The following UVRAG variants were observed in gnomAD, a reference collection of about 807,000 sequenced individuals.
The protein encoded by UVRAG is UV radiation resistance associated, also known as UV radiation resistance-associated gene protein.
A neutral mutation model predicts 78.0 loss-of-function variants in UVRAG; 19 were observed. That is an observed-to-expected ratio of 0.24 (90% CI 0.17 to 0.36). UVRAG has a LOEUF of 0.36. Ranked by LOEUF, UVRAG falls within the 10% of genes least tolerant of loss-of-function variation. UVRAG has a pLI of 1.00. For synonymous variants in UVRAG, 323 were observed against 324.6 expected (o/e 1.00, Z 0.05); for missense variants, 740 against 853.8 (o/e 0.87, Z 1.66).
rs545469350 is a variant in UVRAG at position 76,046,363 on chromosome 11, G to A, written c.1227-19347G>A. 1.1e-4 allele frequency among the ~76,000 whole-genome samples: 16 copies of A among 152,242 alleles called. 1 individual carries two copies. In the East Asian group the frequency reaches 1.9e-3, roughly 18 times the overall value. On this transcript the variant is annotated intron_variant, in intron 12 of 14. Transcript: ENST00000356136. ...GCACTGGCCAATGGAGCAAGAGATC[G>A]AAGGCACCAAGAAAGAGTGAAACTG...
chr11:76,142,576 G>A lies in UVRAG; in HGVS notation c.*1163G>A, dbSNP rs11540515. 4.6e-5 allele frequency: 7 copies of A among 152,562 alleles called. No homozygotes were observed. The highest frequency in any genetic ancestry group is 1.7e-4 in the African/African-American group (7 of 41,430). 9.5% of individuals were successfully genotyped at this position (152,562 alleles called of 1,614,324 possible). A position where few individuals can be genotyped will look rare whatever the true frequency, so the allele number is the denominator to read the frequency against. On this transcript the variant is annotated 3_prime_UTR_variant, in exon 15 of 15. Transcript: ENST00000356136. ...ACGTACCCAAGGACATTGCCTCAGG[G>A]TTGCAAACTCTTTAAAGGAAAATTT...
At chr11:75,964,837 T>C (rs1006838150) in intron 7 of UVRAG, among the ~76,000 whole-genome samples, 2 of 152,244 alleles carry the variant, frequency 1.3e-5, no homozygotes, top group Admixed American at 1.3e-4. Flanking sequence ...ATCCGGTTGA[T>C]TTAGCATCAT....
intron 6 of UVRAG, among the ~76,000 whole-genome samples, chr11:75,912,564 G>T (rs185877151): frequency 6.6e-6 from 1 of 152,300 alleles, no homozygotes; most frequent in East Asian, 1.9e-4. Flanking sequence ...TTAAAATCTG[G>T]CTTTAATTTT....
At chr11:75,905,233 C>T (rs1192945384) in intron 5 of UVRAG, among the ~76,000 whole-genome samples, 1 of 152,072 alleles carries the variant, frequency 6.6e-6, no homozygotes, top group Non-Finnish European at 1.5e-5. Context: ...TCCTTTTTCT[C>T]CTCATCTCCT....
At chr11:75,994,745 T>A (rs1413577511) in intron 8 of UVRAG, among the ~76,000 whole-genome samples, 1 of 152,224 alleles carries the variant, frequency 6.6e-6, no homozygotes, top group African/African-American at 2.4e-5. Flanking sequence ...CCTGTCTTGT[T>A]TCCACTAAAC....
At chr11:76,070,955 T>G (rs896295268) in intron 13 of UVRAG, among the ~76,000 whole-genome samples, 1 of 152,152 alleles carries the variant, frequency 6.6e-6, no homozygotes, top group African/African-American at 2.4e-5. Context: ...GTCACTGAAT[T>G]TTACACTTAA....
chr11:76,137,732 C>A, intron 14 of UVRAG: 2 of 292,246 alleles, frequency 6.8e-6, no homozygotes, highest in South Asian at 3.3e-5. Context: ...GATCCTGTCT[C>A]TAAAAAAAAA....
At chr11:75,819,956 G>A (rs1324207459) in intron 1 of UVRAG, among the ~76,000 whole-genome samples, 1 of 152,024 alleles carries the variant, frequency 6.6e-6, no homozygotes, top group Non-Finnish European at 1.5e-5. Flanking sequence ...CGACAAGAGC[G>A]AAACTGTCTA....
intron 12 of UVRAG, among the ~76,000 whole-genome samples, chr11:76,036,630 A>G (rs1950540100): frequency 1.3e-5 from 2 of 152,214 alleles, no homozygotes; most frequent in Admixed American, 6.5e-5. Flanking sequence ...GTTATGGGAC[A>G]TGGAAAATGA....
At chr11:75,973,599 G>T (rs974974623) in intron 7 of UVRAG, among the ~76,000 whole-genome samples, 15 of 152,166 alleles carry the variant, frequency 9.9e-5, no homozygotes, top group South Asian at 4.1e-4. Flanking sequence ...GGGTACATGT[G>T]CACAATGTGC....
chr11:75,886,940 GT>G (rs1036679620), intron 4 of UVRAG, among the ~76,000 whole-genome samples: 7 of 144,150 alleles, frequency 4.9e-5, no homozygotes, highest in African/African-American at 7.6e-5. Flanking sequence ...ACTACTTCGA[GT>G]TTTTTTTTTA....
intron 1 of UVRAG, among the ~76,000 whole-genome samples, chr11:75,818,937 A>T (rs917043195): frequency 6.6e-6 from 1 of 152,142 alleles, no homozygotes; most frequent in African/African-American, 2.4e-5. Flanking sequence ...GGGCTGTTAC[A>T]TGTTTAGCCA....
intron 14 of UVRAG, among the ~76,000 whole-genome samples, chr11:76,119,823 G>A (rs1170475057): frequency 6.6e-6 from 1 of 152,200 alleles, no homozygotes; most frequent in African/African-American, 2.4e-5. Context: ...CTCCAAAGTA[G>A]CCAGGATGAT....
At chr11:76,057,335 T>G (rs1951003218) in intron 12 of UVRAG, among the ~76,000 whole-genome samples, 1 of 152,192 alleles carries the variant, frequency 6.6e-6, no homozygotes, top group African/African-American at 2.4e-5. Flanking sequence ...CTGTGTTACT[T>G]TAAATTGATT....
At chr11:76,089,142 TCTTA>T (rs1951648324) in intron 13 of UVRAG, among the ~76,000 whole-genome samples, 1 of 152,140 alleles carries the variant, frequency 6.6e-6, no homozygotes, top group Non-Finnish European at 1.5e-5. Context: ...GAAATTACAG[TCTTA>T]CTTATAGATA....
At chr11:75,951,353 G>GTA (rs1291739142) in intron 6 of UVRAG, among the ~76,000 whole-genome samples, 3 of 126,026 alleles carry the variant, frequency 2.4e-5, no homozygotes, top group African/African-American at 8.3e-5. Context: ...GTGTGTGTGT[G>GTA]TGTGTGTATA....
chr11:76,043,440 A>G (rs1950689023), intron 12 of UVRAG, among the ~76,000 whole-genome samples: 1 of 152,140 alleles, frequency 6.6e-6, no homozygotes, highest in Non-Finnish European at 1.5e-5. Context: ...GTTTGGACCT[A>G]TATTTGAAAT....
intron 13 of UVRAG, among the ~76,000 whole-genome samples, chr11:76,108,376 G>A (rs1159698421): frequency 6.6e-6 from 1 of 152,132 alleles, no homozygotes; most frequent in Non-Finnish European, 1.5e-5. Context: ...CTGGGTGCAA[G>A]AACACAGCAT....
chr11:75,831,115 G>T (rs933722962), intron 1 of UVRAG, among the ~76,000 whole-genome samples: 1 of 152,208 alleles, frequency 6.6e-6, no homozygotes, highest in African/African-American at 2.4e-5. Context: ...AATGTTAGCT[G>T]TTGCTACTGT....
Sources: gnomAD v4.1 joint callset for allele counts (sites outside exome capture counted in the v4.1 genomes callset) on GRCh38, gnomAD v4.1.1 for gene constraint, MANE v1.5 for transcripts, NCBI Gene and HGNC (gene_info 2026-07-23, HGNC 2026-07-21) for gene names.